The following PIP5K1B variants were observed in gnomAD, a reference collection of about 807,000 sequenced individuals.
PIP5K1B encodes phosphatidylinositol 4-phosphate 5-kinase type-1 beta.
PIP5K1B carries 42 observed loss-of-function variants against 67.0 expected under a neutral mutation model. The observed-to-expected ratio is 0.63, with a 90% confidence interval of 0.49 to 0.81. The LOEUF (loss-of-function observed/expected upper bound fraction) is 0.81. PIP5K1B is among the 30% of genes least tolerant of loss of function. PIP5K1B has a pLI of 0.00. For missense variants in PIP5K1B, 459 were observed against 646.3 expected, an observed-to-expected ratio of 0.71 and a Z score of 3.14; for synonymous variants, 214 against 231.4, an observed-to-expected ratio of 0.92 and a Z score of 0.68.
intron 4 of PIP5K1B, among the ~76,000 whole-genome samples, chr9:68,842,412 ACTTGG>A (rs1317669890): frequency 1.3e-5 from 2 of 152,240 alleles, no homozygotes; most frequent in African/African-American, 4.8e-5. Flanking sequence ...AGTGTTTTGC[ACTTGG>A]CTTGGTGAAA....
At chr9:68,837,615 T>TTG (rs10644448) in intron 4 of PIP5K1B, among the ~76,000 whole-genome samples, 45,312 of 146,868 alleles carry the variant, frequency 0.31, 7,421 homozygotes, top group South Asian at 0.39. Context: ...GTGTTTTTTT[T>TTG]TTTTTTTTTT....
At position 68,777,601 on chromosome 9, in the gene PIP5K1B, G is replaced by C. The variant is rs553232914; in HGVS notation, c.-86+34944G>C. Among the ~76,000 whole-genome samples, 169 of 152,188 alleles carry C rather than the reference G, an allele frequency of 1.1e-3. 1 individual carries two copies. Among genetic ancestry groups the C allele is most frequent in the Non-Finnish European group, 2.1e-3 (141 of 68,018 alleles). On this transcript the variant is annotated intron_variant, in intron 2 of 15. Coordinates refer to ENST00000265382, the MANE Select transcript of PIP5K1B (RefSeq NM_003558.4). ...CCCCAGCTCTACAAGGACAAGGGTA[G>C]AAACTGGGAAACCAGCTAAGATCTC... is the stretch of plus-strand genomic sequence containing the variant.
At chr9:68,841,924 C>A (rs1821941844) in intron 4 of PIP5K1B, among the ~76,000 whole-genome samples, 1 of 152,216 alleles carries the variant, frequency 6.6e-6, no homozygotes, top group Admixed American at 6.5e-5. Context: ...TACGAGAAAA[C>A]AGAGGCCCAA....
chr9:68,962,445 T>A (rs1828803597), intron 14 of PIP5K1B, among the ~76,000 whole-genome samples: 1 of 152,240 alleles, frequency 6.6e-6, no homozygotes, highest in South Asian at 2.1e-4. Flanking sequence ...GGCCAAGTCA[T>A]GAAGCATTTC....
At chr9:68,796,370 C>A (rs1405844190) in intron 2 of PIP5K1B, among the ~76,000 whole-genome samples, 1 of 152,088 alleles carries the variant, frequency 6.6e-6, no homozygotes, top group African/African-American at 2.4e-5. Context: ...AATTTAAAGA[C>A]CACAAACATT....
chr9:68,986,525 A>C (rs1180855269), intron 14 of PIP5K1B, among the ~76,000 whole-genome samples: 2 of 152,164 alleles, frequency 1.3e-5, no homozygotes, highest in African/African-American at 4.8e-5. Flanking sequence ...AAATTTAATG[A>C]TATTCAAAAT....
At chr9:68,810,189 A>C (rs1372043759) in intron 2 of PIP5K1B, among the ~76,000 whole-genome samples, 2 of 152,208 alleles carry the variant, frequency 1.3e-5, no homozygotes, top group Admixed American at 1.3e-4. Flanking sequence ...TGGCTATCCT[A>C]TTGGAAGCCC....
intron 4 of PIP5K1B, among the ~76,000 whole-genome samples, chr9:68,853,973 G>T (rs1482233340): frequency 6.6e-6 from 1 of 152,074 alleles, no homozygotes; most frequent in Non-Finnish European, 1.5e-5. Context: ...AGGCCGGCTT[G>T]TGCCAGGCAA....
At chr9:68,800,590 A>G (rs1344429673) in intron 2 of PIP5K1B, among the ~76,000 whole-genome samples, 1 of 152,126 alleles carries the variant, frequency 6.6e-6, no homozygotes, top group Admixed American at 6.5e-5. Context: ...GTGATTCTAT[A>G]GTTAGTGCAG....
chr9:68,975,793 G>T (rs1383933750), intron 14 of PIP5K1B, among the ~76,000 whole-genome samples: 1 of 152,118 alleles, frequency 6.6e-6, no homozygotes, highest in African/African-American at 2.4e-5. Context: ...ACATTCCTTG[G>T]CTTGTAAATC....
intron 5 of PIP5K1B, among the ~76,000 whole-genome samples, chr9:68,870,913 C>G (rs1326063082): frequency 6.6e-6 from 1 of 152,180 alleles, no homozygotes; most frequent in African/African-American, 2.4e-5. Context: ...ACAAAGCTCA[C>G]TAAATGGAAA....
At chr9:68,931,850 G>A (rs1827016417) in intron 12 of PIP5K1B, among the ~76,000 whole-genome samples, 1 of 152,238 alleles carries the variant, frequency 6.6e-6, no homozygotes, top group South Asian at 2.1e-4. Flanking sequence ...CCACACAAAA[G>A]GAAGCAACCA....
chr9:68,715,615 C>T (rs1194843842), intron 1 of PIP5K1B, among the ~76,000 whole-genome samples: 2 of 152,212 alleles, frequency 1.3e-5, no homozygotes, highest in African/African-American at 4.8e-5. Flanking sequence ...TGACTAGTTT[C>T]CTCGCCCCCA....
intron 14 of PIP5K1B, among the ~76,000 whole-genome samples, chr9:68,982,695 G>A (rs988698330): frequency 4.6e-5 from 7 of 152,036 alleles, no homozygotes; most frequent in African/African-American, 1.4e-4. Flanking sequence ...CCGGGAGGTG[G>A]AGGTTGCAGT....
At chr9:68,963,963 CT>C in intron 14 of PIP5K1B, 1 of 152,298 alleles carries the variant, frequency 6.6e-6, no homozygotes, top group South Asian at 2.1e-4. Context: ...TATATATCTC[CT>C]ATTTCTAAGC....
At chr9:68,812,806 G>A (rs923677489) in intron 2 of PIP5K1B, among the ~76,000 whole-genome samples, 4 of 152,212 alleles carry the variant, frequency 2.6e-5, no homozygotes, top group Non-Finnish European at 4.4e-5. Flanking sequence ...TGTGGTTTAA[G>A]TCAGGTTATC....
intron 15 of PIP5K1B, among the ~76,000 whole-genome samples, chr9:69,008,243 A>C (rs1831177710): frequency 6.6e-6 from 1 of 152,174 alleles, no homozygotes. Flanking sequence ...ATCTTGATAA[A>C]CATTGGTGTA....
At chr9:68,984,194 A>C (rs1208426103) in intron 14 of PIP5K1B, among the ~76,000 whole-genome samples, 1 of 152,218 alleles carries the variant, frequency 6.6e-6, no homozygotes, top group Non-Finnish European at 1.5e-5. Context: ...AGGGTTAAGA[A>C]ACTTACCCAG....
intron 2 of PIP5K1B, chr9:68,781,071 A>G (rs898280219): frequency 4.4e-6 from 7 of 1,573,044 alleles, no homozygotes; most frequent in Non-Finnish European, 5.2e-6. Flanking sequence ...GAGAGAGAGA[A>G]TAATCTAGTT....
Sources: allele counts gnomAD v4.1 joint callset (sites outside exome capture counted in the v4.1 genomes callset), GRCh38; gene constraint gnomAD v4.1.1; transcripts MANE v1.5; gene names NCBI Gene and HGNC (gene_info 2026-07-23, HGNC 2026-07-21).